The following MUC3A variants were observed in gnomAD, a reference collection of about 807,000 sequenced individuals.
MUC3A encodes mucin-3A.
In MUC3A, 109 loss-of-function variants were observed where a neutral mutation model predicts 109.0. That is an observed-to-expected ratio of 1.00 (90% confidence interval 0.86 to 1.17). The LOEUF (loss-of-function observed/expected upper bound fraction) is 1.17, where lower values mean the gene tolerates loss of function less well. Among genes scored for constraint, MUC3A ranks in the 50% most tolerant of loss-of-function variants. The probability of loss-of-function intolerance (pLI) is 0.00; values close to 1 mark genes in which losing one functional copy is unlikely to be tolerated. For missense variants in MUC3A, 3,537 were observed against 2,469.4 expected, an observed-to-expected ratio of 1.43 and a Z score of -9.16; for synonymous variants, 1,398 against 981.4, an observed-to-expected ratio of 1.42 and a Z score of -7.93.
At position 100,954,133 on chromosome 7, in the gene MUC3A, C is replaced by A. The variant is rs1584800666; in HGVS notation, c.2354C>A (p.Thr785Lys). Reference protein sequence around the residue: ...TSFTSSTVYSTASTYTTAITS... With the variant: ...TSFTSSTVYSKASTYTTAITS... ...TTCACTTCTTCAACCGTCTACTCCA[C>A]AGCCAGCACATACACAACTGCCATC... The change falls in exon 2 of 12, where the codon ACA becomes AAA. Residue 785 changes from threonine (T) to lysine (K), a missense_variant. Coordinates refer to ENST00000379458, the MANE Select transcript of MUC3A (RefSeq NM_005960.2). 5 of 590,010 alleles carry A rather than the reference C, an allele frequency of 8.5e-6. No individual in the cohort carries two copies. In the East Asian group the frequency reaches 1.5e-4, roughly 17 times the overall value. The allele number at this position is 590,010 out of a possible 1,614,324, so 36.5% of individuals were successfully genotyped here.
chr7:100,952,863 T>C lies in MUC3A; in HGVS notation c.1084T>C (p.Ser362Pro). ...CTCCACAAGTATGACAGGTACATTG[T>C]CCACAGAGACTTCTCTCCCACCCAC... ...AYSTSMTGTL[S>P]TETSLPPTSS... The change falls in exon 2 of 12, where the codon TCC (serine) becomes CCC (proline). Residue 362 changes from serine (S) to proline (P), a missense_variant. By Grantham distance (74) the Ser-to-Pro change is moderately conservative. Transcript: ENST00000379458. 1 of 1,463,110 alleles carries C rather than the reference T, an allele frequency of 6.8e-7. No individual in the cohort carries two copies. Among genetic ancestry groups the C allele is most frequent in the South Asian group, 1.3e-5 (1 of 79,776 alleles). The allele number at this position is 1,463,110 out of a possible 1,614,324, so 90.6% of individuals were successfully genotyped here.
At chr7:100,965,122 G>T in intron 6 of MUC3A, 160 bp from the exon 7 acceptor site, 1 of 1,179,082 alleles carries the variant, frequency 8.5e-7, no homozygotes, top group South Asian at 1.4e-5. Context: ...CAGGCAACAG[G>T]AGTCTTCGCC....
In MUC3A at chr7:100,963,712, C is replaced by A. The variant is rs1256075426; in HGVS notation, c.9193C>A (p.Gln3065Lys). ...GATGCAGAAGATTTTTGCAGACATG[C>A]AGGGCTTCACCTTCAAGGGTGTGGA... Reference protein sequence around the residue: ...NQMQKIFADMQGFTFKGVEIL... With the variant: ...NQMQKIFADMKGFTFKGVEIL... The change falls in exon 5 of 12, where the codon CAG becomes AAG. Residue 3065 changes from glutamine (Q) to lysine (K), a missense_variant. Gln to Lys is a moderately conservative substitution (Grantham distance 53). Coordinates refer to ENST00000379458, the MANE Select transcript of MUC3A (RefSeq NM_005960.2). 3.1e-6 allele frequency: 5 copies of A among 1,598,404 alleles called. No homozygotes were observed. Among genetic ancestry groups the A allele is most frequent in the Non-Finnish European group, 3.4e-6 (4 of 1,179,814 alleles).
In MUC3A at chr7:100,959,319, A is replaced by T; in HGVS notation, c.7540A>T (p.Thr2514Ser). Residue 2514 changes from threonine to serine, a missense_variant, in exon 2 of 12, where the codon ACT (threonine) becomes TCT (serine). Transcript: ENST00000379458. Reference protein sequence around the residue: ...TTTTDFPSIPTDISTLPTRTH... With the variant: ...TTTTDFPSIPSDISTLPTRTH... ...AACCACAGACTTTCCCTCTATACCCACTGATATCAGTACCTTACCAACTCG... is the reference window on the plus strand; with the variant it reads ...AACCACAGACTTTCCCTCTATACCCTCTGATATCAGTACCTTACCAACTCG... The T allele has an allele frequency of 6.4e-7, 1 of 1,568,658 alleles. No homozygotes were observed. Among genetic ancestry groups the T allele is most frequent in the Non-Finnish European group, 8.6e-7 (1 of 1,164,784 alleles).
rs781009253 is a variant in MUC3A at position 100,966,634 on chromosome 7, C to T, written c.9786-18C>T. The T allele has an allele frequency of 6.3e-6, 10 of 1,598,474 alleles. No homozygotes were observed. The highest frequency in any genetic ancestry group is 1.7e-5 in the Admixed American group (1 of 60,016). ...CAGGCGGGCCGGCTCTGTCTGACCG[C>T]GCGGCGGCCCCACCTAGGTCCTGGG... On this transcript the variant is annotated intron_variant, in intron 9 of 11. Transcript: ENST00000379458.
At chr7:100,963,584 C>T (rs532222795) in intron 4 of MUC3A, 104 bp from the exon 5 acceptor site, 85 of 1,558,626 alleles carry the variant, frequency 5.5e-5, no homozygotes, top group East Asian at 1.8e-4. Context: ...GGCACCCGGC[C>T]GGGGAGGGGA....
At chr7:100,949,728 T>C (rs534597066) in intron 1 of MUC3A, 43 bp downstream of exon 1, 393 of 1,471,460 alleles carry the variant, frequency 2.7e-4, no homozygotes, top group Middle Eastern at 1.7e-3. Context: ...AAGCTCCTGA[T>C]GTGATGTTCC....
chr7:100,964,532 G>GTGTA, intron 5 of MUC3A, 163 bp from the exon 6 acceptor site: 3 of 1,201,950 alleles, frequency 2.5e-6, no homozygotes, highest in Admixed American at 5.7e-5. Context: ...GACCAAGTCA[G>GTGTA]GAATGCTGGC....
At chr7:100,963,041 G>T in intron 3 of MUC3A, 110 bp from the exon 4 acceptor site, 1 of 1,251,926 alleles carries the variant, frequency 8.0e-7, no homozygotes, top group South Asian at 1.3e-5. Context: ...CAGTCCTCAG[G>T]GATCTTGGAG....
At chr7:100,950,479 C>T (rs1791903576) in intron 1 of MUC3A, among the ~76,000 whole-genome samples, 1 of 152,302 alleles carries the variant, frequency 6.6e-6, no homozygotes, top group Admixed American at 6.5e-5. Flanking sequence ...TCCAGGGCCA[C>T]ATCCTGGAGC....
chr7:100,955,044 A>T lies in MUC3A; in HGVS notation c.3265A>T (p.Thr1089Ser). 2.0e-6 allele frequency: 1 copy of T among 497,666 alleles called. No individual in the cohort carries two copies. Among genetic ancestry groups the T allele is most frequent in the Non-Finnish European group, 3.5e-6 (1 of 285,094 alleles). 30.8% of individuals were successfully genotyped at this position (497,666 alleles called of 1,614,324 possible). A position where few individuals can be genotyped will look rare whatever the true frequency, so the allele number is the denominator to read the frequency against. ...STPTSETTYPTSPTSIVSDST... is the reference protein window; with the variant it reads ...STPTSETTYPSSPTSIVSDST... ...ACCTACATCTGAGACCACCTACCCT[A>T]CTTCTCCCACCAGCATTGTCTCAGA... Residue 1089 changes from threonine (T) to serine (S), a missense_variant, in exon 2 of 12, where the codon ACT becomes TCT. Physicochemically the swap from Thr to Ser is moderately conservative, Grantham distance 58. Coordinates refer to ENST00000379458, the MANE Select transcript of MUC3A (RefSeq NM_005960.2).
chr7:100,959,213 TTC>T lies in MUC3A; in HGVS notation c.7438_7439del (p.Leu2480GlufsTer35), dbSNP rs1183563790. On this transcript the variant is annotated frameshift_variant, in exon 2 of 12. Coordinates refer to ENST00000379458, the MANE Select transcript of MUC3A (RefSeq NM_005960.2). LOFTEE classifies it high-confidence loss of function. ...TGACTCCCACACCTGTAACCCCATC[TTC>T]TCTGAGTACAGACATCCCGACCACA... ...AVTPTPVTPS[S>X]LSTDIPTTSL... The T allele has an allele frequency of 6.3e-7, 1 of 1,598,514 alleles. No homozygotes were observed. The highest frequency in any genetic ancestry group is 1.3e-5 in the African/African-American group (1 of 75,082).
Position 100,960,240 on chromosome 7 carries a change from A to G in MUC3A, c.8461A>G (p.Ile2821Val), listed in dbSNP as rs1792273517. ...GGTCACCTGTCCTACCTCCATCAGT[A>G]TCCAAACTACTCTTACTACATATAT... ...EMVTCPTSIS[I>V]QTTLTTYMDT... The change falls in exon 2 of 12, where the codon ATC becomes GTC. Residue 2821 changes from isoleucine (I) to valine (V), a missense_variant. By Grantham distance (29) the Ile-to-Val change is conservative. Transcript: ENST00000379458. The G allele has an allele frequency of 1.9e-6, 3 of 1,598,326 alleles. No individual in the cohort carries two copies. The highest frequency in any genetic ancestry group is 1.3e-5 in the African/African-American group (1 of 74,962).
In MUC3A at chr7:100,960,499, G is replaced by C; in HGVS notation, c.8720G>C (p.Ser2907Thr). 4 of 1,598,706 alleles carry C rather than the reference G, an allele frequency of 2.5e-6. No homozygotes were observed. The highest frequency in any genetic ancestry group is 3.4e-6 in the Non-Finnish European group (4 of 1,179,826). Reference sequence around the variant, plus strand: ...CTCCCGACCATCCTGAGGACTTCAAGCAAGTCAACACACCCCTCCCCACCC... The same window carrying C: ...CTCCCGACCATCCTGAGGACTTCAACCAAGTCAACACACCCCTCCCCACCC... ...SSLPTILRTS[S>T]KSTHPSPPTT... The change falls in exon 2 of 12, where the codon AGC (serine) becomes ACC (threonine). Residue 2907 changes from serine (S) to threonine (T), a missense_variant. Physicochemically the swap from Ser to Thr is moderately conservative, Grantham distance 58 (BLOSUM62 1). Transcript: ENST00000379458.
intron 5 of MUC3A, 31 bp downstream of exon 5, chr7:100,963,783 G>T: frequency 6.3e-7 from 1 of 1,598,396 alleles, no homozygotes; most frequent in Non-Finnish European, 8.5e-7. Flanking sequence ...TGCGGAGGCG[G>T]TGTTGGGTGG....
Position 100,960,271 on chromosome 7 carries a change from C to G in MUC3A, c.8492C>G (p.Thr2831Ser). ...IQTTLTTYMD[T>S]SSMMPESESS... ...ACTACTCTTACTACATATATGGACA[C>G]TTCTTCCATGATGCCAGAAAGTGAG... The change falls in exon 2 of 12, where the codon ACT becomes AGT. Residue 2831 changes from threonine (T) to serine (S), a missense_variant. By Grantham distance (58) the Thr-to-Ser change is moderately conservative. Coordinates refer to ENST00000379458, the MANE Select transcript of MUC3A (RefSeq NM_005960.2). The G allele has an allele frequency of 1.3e-6, 2 of 1,598,552 alleles. No individual in the cohort carries two copies. The highest frequency in any genetic ancestry group is 1.7e-6 in the Non-Finnish European group (2 of 1,179,826).
At chr7:100,950,041 C>T (rs1268516521) in intron 1 of MUC3A, among the ~76,000 whole-genome samples, 1 of 152,238 alleles carries the variant, frequency 6.6e-6, no homozygotes, top group African/African-American at 2.4e-5. Flanking sequence ...CCCTTCCTGT[C>T]TTGACTCCTT....
chr7:100,960,770 G>C lies in MUC3A; in HGVS notation c.8885G>C (p.Gly2962Ala). 1 of 1,597,746 alleles carries C rather than the reference G, an allele frequency of 6.3e-7. No homozygotes were observed. The highest frequency in any genetic ancestry group is 2.2e-5 in the East Asian group (1 of 44,884). The change falls in exon 3 of 12, where the codon GGC becomes GCC. Residue 2962 changes from glycine to alanine, a missense_variant. Transcript: ENST00000379458. ...TTTAGTCDNG[G>A]TWEQGQCACL... ...TTTCCAGGCACCTGTGACAATGGTG[G>C]CACCTGGGAACAGGGCCAGTGTGCT... is the stretch of plus-strand genomic sequence containing the variant.
Position 100,958,046 on chromosome 7 carries a change from T to C in MUC3A, c.6267T>C (p.Ser2089=). ...CCACCACCGAGACCCCCTCACACAG[T>C]ACTCTCAGCTTCACTTCTTCAATCA... ...SITTTETPSH[S]TLSFTSSITT... is the part of the protein sequence containing the mutation. Residue 2089 remains serine (S), a synonymous_variant, in exon 2 of 12, where the codon AGT becomes AGC. Transcript: ENST00000379458. The C allele has an allele frequency of 3.7e-6, 5 of 1,344,122 alleles. No individual in the cohort carries two copies. Among genetic ancestry groups the C allele is most frequent in the South Asian group, 3.5e-5 (3 of 85,218 alleles). The allele number at this position is 1,344,122 out of a possible 1,614,324, so 83.3% of individuals were successfully genotyped here. A position where few individuals can be genotyped will look rare whatever the true frequency, so the allele number is the denominator to read the frequency against.
Sources: allele counts gnomAD v4.1 joint callset (sites outside exome capture counted in the v4.1 genomes callset), GRCh38; gene constraint gnomAD v4.1.1; transcripts MANE v1.5; gene names NCBI Gene and HGNC (gene_info 2026-07-23, HGNC 2026-07-21).